Variants in DCLK3 observed in about 807,000 individuals in gnomAD.
The protein encoded by DCLK3 is serine/threonine-protein kinase DCLK3.
A neutral mutation model predicts 46.4 loss-of-function variants in DCLK3; 30 were observed. That is an observed-to-expected ratio of 0.65 (90% CI 0.48 to 0.88). The LOEUF is 0.88. Ranked by LOEUF, DCLK3 falls within the 40% of genes least tolerant of loss-of-function variation. The probability of loss-of-function intolerance (pLI) is 0.00; values close to 1 mark genes in which losing one functional copy is unlikely to be tolerated. For synonymous variants in DCLK3, 401 were observed against 339.2 expected (o/e 1.18, Z -2.00); for missense variants, 846 against 907.1 (o/e 0.93, Z 0.87).
chr3:36,752,436 G>A (rs976359210), intron 1 of DCLK3, among the ~76,000 whole-genome samples: 8 of 152,180 alleles, frequency 5.3e-5, no homozygotes, highest in African/African-American at 1.7e-4. Context: ...AGGGAAACCA[G>A]ACCCTCACCA....
At chr3:36,752,188 A>G (rs752067450) in intron 1 of DCLK3, among the ~76,000 whole-genome samples, 2 of 152,188 alleles carry the variant, frequency 1.3e-5, no homozygotes, top group Non-Finnish European at 2.9e-5. Flanking sequence ...GCCCATAATC[A>G]ATGACTGATG....
intron 1 of DCLK3, among the ~76,000 whole-genome samples, chr3:36,741,158 G>C (rs1157814234): frequency 3.3e-5 from 5 of 152,206 alleles, no homozygotes; most frequent in Non-Finnish European, 5.9e-5. Flanking sequence ...GATGTTGAGA[G>C]AAAGAAAGAG....
At position 36,737,446 on chromosome 3, in the gene DCLK3, A is replaced by T; in HGVS notation, c.1721T>A (p.Ile574Asn). The change falls in exon 2 of 5, where the codon ATC becomes AAC. Residue 574 changes from isoleucine (I) to asparagine (N), a missense_variant. By Grantham distance (149) the Ile-to-Asn change is moderately radical. Coordinates refer to ENST00000636136, the MANE Select transcript of DCLK3 (RefSeq NM_001394672.2). This position sits in a 1 kb window ranked among gnomAD's most constrained non-coding sequence, Gnocchi z 4.4. The part of the protein sequence containing the change: ...KEDMVDSEIL[I>N]IQSLSHPNIV... The stretch of plus-strand genomic sequence containing the variant: ...GTTGGGGTGAGAGAGGCTCTGGATG[A>T]TCAAGATCTCACTGTCCACCATGTC... 1 of 1,614,206 alleles carries T rather than the reference A, an allele frequency of 6.2e-7. No individual in the cohort carries two copies.
chr3:36,722,829 T>A (rs1396253215), intron 2 of DCLK3, among the ~76,000 whole-genome samples: 1 of 152,152 alleles, frequency 6.6e-6, no homozygotes, highest in East Asian at 1.9e-4. Flanking sequence ...CTTTTTTTCC[T>A]GGTCTCAGGT....
At chr3:36,730,191 TATACACAC>T (rs1180504626) in intron 2 of DCLK3, among the ~76,000 whole-genome samples, 76 of 108,980 alleles carry the variant, frequency 7.0e-4, no homozygotes, top group East Asian at 2.8e-3. Flanking sequence ...ATACACCATA[TATACACAC>T]ACACACACAC....
At chr3:36,719,546 G>A (rs1701031545) in intron 3 of DCLK3, among the ~76,000 whole-genome samples, 1 of 152,078 alleles carries the variant, frequency 6.6e-6, no homozygotes, top group South Asian at 2.1e-4. Context: ...TCCTCTCTGG[G>A]CTGCTCAGCC....
chr3:36,732,387 C>G (rs1055894055), intron 2 of DCLK3, among the ~76,000 whole-genome samples: 11 of 152,194 alleles, frequency 7.2e-5, no homozygotes, highest in African/African-American at 2.7e-4. Context: ...CATAAGTTCA[C>G]TGAGTGTACA....
chr3:36,744,340 AG>A (rs1192896577), intron 1 of DCLK3, among the ~76,000 whole-genome samples: 4 of 152,260 alleles, frequency 2.6e-5, no homozygotes, highest in Admixed American at 2.0e-4. Context: ...TGAGGTGAAA[AG>A]AAAATATAAT....
chr3:36,750,313 C>T (rs1021107446), intron 1 of DCLK3, among the ~76,000 whole-genome samples: 49 of 152,196 alleles, frequency 3.2e-4, no homozygotes, highest in African/African-American at 9.2e-4. Context: ...AACTCCTGTC[C>T]TCAAGTGATC....
rs1700941681 is a variant in DCLK3 at position 36,713,857 on chromosome 3, C to T, written c.*1471G>A. ...GGACAAAGGAGCTGAGCCACCATAC[C>T]CTACAGGGACTAGTCATTTGATATA... On this transcript the variant is annotated 3_prime_UTR_variant, in exon 5 of 5. Transcript: ENST00000636136. 1 of 152,206 alleles carries T rather than the reference C, an allele frequency of 6.6e-6. No homozygotes were observed. Among genetic ancestry groups the T allele is most frequent in the Non-Finnish European group, 1.5e-5 (1 of 68,066 alleles). The allele number at this position is 152,206 out of a possible 1,614,324, so 9.4% of individuals were successfully genotyped here.
chr3:36,738,336 G>A lies in DCLK3; in HGVS notation c.831C>T (p.Pro277=). 6.6e-7 allele frequency: 1 copy of A among 1,506,876 alleles called. No homozygotes were observed. Among genetic ancestry groups the A allele is most frequent in the South Asian group, 1.4e-5 (1 of 72,360 alleles). 93.3% of individuals were successfully genotyped at this position (1,506,876 alleles called of 1,614,324 possible). ...TCTCTTCCAGAGTGGCTTCCCTGGG[G>A]GGCTTGCTACTGGGTTCTGGCTCCC... The part of the protein sequence containing the change: ...GKWEPEPSSK[P]PREATLEERH... Residue 277 remains proline (P), a synonymous_variant, in exon 2 of 5, where the codon CCC becomes CCT. Transcript: ENST00000636136.
At chr3:36,742,869 G>A (rs1291757600) in intron 1 of DCLK3, among the ~76,000 whole-genome samples, 1 of 152,142 alleles carries the variant, frequency 6.6e-6, no homozygotes, top group South Asian at 2.1e-4. Context: ...CCGGGAACGT[G>A]CTCATGCCCC....
At chr3:36,745,586 C>T (rs1232971750) in intron 1 of DCLK3, among the ~76,000 whole-genome samples, 4 of 152,180 alleles carry the variant, frequency 2.6e-5, no homozygotes, top group African/African-American at 9.7e-5. Context: ...AAAATATTTT[C>T]CTTTTTATCA....
chr3:36,747,346 A>T (rs1019273953), intron 1 of DCLK3, among the ~76,000 whole-genome samples: 2 of 152,156 alleles, frequency 1.3e-5, no homozygotes, highest in African/African-American at 4.8e-5. Flanking sequence ...AGTCAGACTC[A>T]GAGACTTATA....
intron 1 of DCLK3, among the ~76,000 whole-genome samples, chr3:36,744,309 C>A (rs891919645): frequency 6.6e-6 from 1 of 152,214 alleles, no homozygotes; most frequent in Non-Finnish European, 1.5e-5. Context: ...CACAAAAGAC[C>A]TCCTGAATAC....
At chr3:36,723,290 G>A (rs1184198613) in intron 2 of DCLK3, among the ~76,000 whole-genome samples, 1 of 152,198 alleles carries the variant, frequency 6.6e-6, no homozygotes, top group African/African-American at 2.4e-5. Context: ...TGCTGTTAAA[G>A]ACATTCAGTT....
rs569815124 is a variant in DCLK3, at chr3:36,726,043, G to C, written c.1960-4384C>G. On this transcript the variant is annotated intron_variant, in intron 2 of 4. Transcript: ENST00000636136. ...AACCTAAAAGAAACTAATCACAAGAGGTAAGTGTGGCAAGTATTTAGGTCA... is the reference window on the plus strand; with the variant it reads ...AACCTAAAAGAAACTAATCACAAGACGTAAGTGTGGCAAGTATTTAGGTCA... Among the ~76,000 whole-genome samples the C allele has an allele frequency of 3.9e-5, 6 of 152,210 alleles. No individual in the cohort carries two copies. In the East Asian group the frequency reaches 1.2e-3, roughly 29 times the overall value.
chr3:36,763,023 T>A (rs1014473642), intron 1 of DCLK3, among the ~76,000 whole-genome samples: 3 of 152,194 alleles, frequency 2.0e-5, no homozygotes, highest in African/African-American at 4.8e-5. Flanking sequence ...TTGCTGTAGA[T>A]GCCTCATTGA....
At chr3:36,755,718 T>A (rs1701479405) in intron 1 of DCLK3, among the ~76,000 whole-genome samples, 2 of 152,126 alleles carry the variant, frequency 1.3e-5, no homozygotes, top group Non-Finnish European at 1.5e-5. Context: ...TGGGCTGACA[T>A]CAGTGGTGGC....
Sources: allele counts gnomAD v4.1 joint callset (sites outside exome capture counted in the v4.1 genomes callset), GRCh38; gene constraint gnomAD v4.1.1; non-coding constraint Gnocchi (gnomAD v3.1); transcripts MANE v1.5; gene names NCBI Gene and HGNC (gene_info 2026-07-23, HGNC 2026-07-21).